Variants in PTPRD observed in about 807,000 individuals in gnomAD.
PTPRD encodes protein tyrosine phosphatase receptor type D, also known as receptor-type tyrosine-protein phosphatase delta.
A neutral mutation model predicts 214.5 loss-of-function variants in PTPRD; 34 were observed. The ratio of observed to expected loss-of-function variants is 0.16; its 90% CI spans 0.12 to 0.21. The LOEUF is 0.21. Ranked by LOEUF, PTPRD falls within the 10% of genes least tolerant of loss-of-function variation. The probability of loss-of-function intolerance (pLI) is 1.00; values close to 1 mark genes in which losing one functional copy is unlikely to be tolerated. For missense variants in PTPRD, 2,545 were observed against 2,398.7 expected (o/e 1.06, Z -1.27); for synonymous variants, 1,128 against 845.7 (o/e 1.33, Z -5.79).
chr9:8,481,697 C>G (rs2096889826), intron 30 of PTPRD, among the ~76,000 whole-genome samples: 3 of 152,068 alleles, frequency 2.0e-5, no homozygotes, highest in Admixed American at 2.0e-4. Flanking sequence ...CACATTTTCC[C>G]CTCATTGCTT....
intron 9 of PTPRD, among the ~76,000 whole-genome samples, chr9:9,192,603 T>C (rs2099935915): frequency 6.6e-6 from 1 of 152,080 alleles, no homozygotes; most frequent in Non-Finnish European, 1.5e-5. Context: ...TTGATTAAGA[T>C]GATGAGACAA....
At chr9:9,491,769 T>C (rs973958933) in intron 8 of PTPRD, among the ~76,000 whole-genome samples, 6 of 151,976 alleles carry the variant, frequency 3.9e-5, no homozygotes, top group Admixed American at 2.6e-4. Context: ...ACTCATGTGA[T>C]GCAGAAAAAT....
intron 2 of PTPRD, among the ~76,000 whole-genome samples, chr9:10,342,662 T>C (rs2096965198): frequency 6.6e-6 from 1 of 152,134 alleles, no homozygotes. Flanking sequence ...TTCCGCACCT[T>C]CTATTCCATG....
chr9:9,603,075 C>T (rs878966491), intron 7 of PTPRD, among the ~76,000 whole-genome samples: 5 of 151,840 alleles, frequency 3.3e-5, no homozygotes, highest in Admixed American at 6.6e-5. Context: ...AATCTGTGAA[C>T]GTAATGATTA....
At chr9:8,569,789 A>G (rs2090550435) in intron 14 of PTPRD, among the ~76,000 whole-genome samples, 1 of 129,270 alleles carries the variant, frequency 7.7e-6, no homozygotes, top group Admixed American at 7.9e-5. Flanking sequence ...AGGAAGATAT[A>G]AATTGGAAAA....
chr9:9,331,375 C>T (rs547903892), intron 9 of PTPRD, among the ~76,000 whole-genome samples: 73 of 152,042 alleles, frequency 4.8e-4, no homozygotes, highest in Admixed American at 1.1e-3. Context: ...CATTCTTTCT[C>T]GGGATAATTC....
chr9:8,622,881 G>A (rs1050319965), intron 14 of PTPRD, among the ~76,000 whole-genome samples: 16 of 151,868 alleles, frequency 1.1e-4, no homozygotes, highest in African/African-American at 3.6e-4. Flanking sequence ...GCTTATGCCT[G>A]TAATCCCATG....
rs2093363158 is a variant in PTPRD at position 9,950,671 on chromosome 9, G to A, written c.-471-12061C>T. 5.9e-5 allele frequency among the ~76,000 whole-genome samples: 5 copies of A among 84,332 alleles called. 2 individuals carry two copies. In the South Asian group the frequency reaches 2.3e-3, roughly 40 times the overall value. 55.3% of individuals were successfully genotyped at this position (84,332 alleles called of 152,430 possible). On this transcript the variant is annotated intron_variant, in intron 4 of 45. Coordinates refer to ENST00000381196, the MANE Select transcript of PTPRD (RefSeq NM_002839.4). ...CCCCAGGGGGCGGAGCCTGCAGTGA[G>A]CCGAGATCGCGCCACTGCACTCCAG...
intron 9 of PTPRD, among the ~76,000 whole-genome samples, chr9:9,328,981 G>A (rs2041242735): frequency 6.6e-6 from 1 of 151,922 alleles, no homozygotes; most frequent in Non-Finnish European, 1.5e-5. Context: ...GAAACTTGAA[G>A]ATTGCGTAAA....
chr9:10,302,511 G>A (rs933433597), intron 3 of PTPRD, among the ~76,000 whole-genome samples: 1 of 152,082 alleles, frequency 6.6e-6, no homozygotes, highest in Admixed American at 6.5e-5. Flanking sequence ...TGCTGTATTC[G>A]GGAGACCCAT....
At chr9:9,713,304 G>T (rs79262455) in intron 7 of PTPRD, among the ~76,000 whole-genome samples, 3,004 of 152,200 alleles carry the variant, frequency 0.02, 90 homozygotes, top group African/African-American at 0.067. Flanking sequence ...AAGAAAATTA[G>T]AATGGGGAAA....
At chr9:8,582,354 G>T (rs549783730) in intron 14 of PTPRD, among the ~76,000 whole-genome samples, 11 of 152,160 alleles carry the variant, frequency 7.2e-5, no homozygotes, top group African/African-American at 2.6e-4. Flanking sequence ...AATATTTTTT[G>T]AACATGACAC....
At chr9:8,446,766 AGCACCTGTCAT>A (rs1486054693) in intron 34 of PTPRD, among the ~76,000 whole-genome samples, 1 of 152,252 alleles carries the variant, frequency 6.6e-6, no homozygotes, top group Admixed American at 6.5e-5. Flanking sequence ...TTAGCGTCAT[AGCACCTGTCAT>A]GCAACACCTA....
intron 2 of PTPRD, among the ~76,000 whole-genome samples, chr9:10,571,979 G>C (rs911014239): frequency 6.6e-6 from 1 of 152,134 alleles, no homozygotes; most frequent in Non-Finnish European, 1.5e-5. Flanking sequence ...CTGCTGCCCA[G>C]GGGTTGGGGA....
At position 9,737,451 on chromosome 9, in the gene PTPRD, T is replaced by C. The variant is rs117141342; in HGVS notation, c.-325-2880A>G. Among the ~76,000 whole-genome samples, 6 of 152,292 alleles carry C rather than the reference T, an allele frequency of 3.9e-5. No individual in the cohort carries two copies. In the East Asian group the frequency reaches 1.2e-3, roughly 29 times the overall value. On this transcript the variant is annotated intron_variant, in intron 6 of 45. Transcript: ENST00000381196. ...AAGATAACTACTAATTCCAGAATGTTTCTAACACCTTAAAAGAAAACCCTA... is the reference window on the plus strand; with the variant it reads ...AAGATAACTACTAATTCCAGAATGTCTCTAACACCTTAAAAGAAAACCCTA...
intron 14 of PTPRD, among the ~76,000 whole-genome samples, chr9:8,573,042 A>C (rs951843869): frequency 1.3e-5 from 2 of 151,978 alleles, no homozygotes; most frequent in African/African-American, 4.8e-5. Flanking sequence ...ATTTTTGTTC[A>C]TGATCTGTTG....
chr9:10,362,491 A>G (rs2097414152), intron 2 of PTPRD, among the ~76,000 whole-genome samples: 1 of 152,120 alleles, frequency 6.6e-6, no homozygotes, highest in African/African-American at 2.4e-5. Flanking sequence ...CTAAAAATTC[A>G]ATGTCTAGAG....
In PTPRD at chr9:10,612,774, A is replaced by G; in HGVS notation, c.-794T>C. 1 of 152,370 alleles carries G rather than the reference A, an allele frequency of 6.6e-6. No homozygotes were observed. Among genetic ancestry groups the G allele is most frequent in the Non-Finnish European group, 1.5e-5 (1 of 68,384 alleles). 9.4% of individuals were successfully genotyped at this position (152,370 alleles called of 1,614,324 possible). A position where few individuals can be genotyped will look rare whatever the true frequency, so the allele number is the denominator to read the frequency against. Reference sequence around the variant, plus strand: ...GAGGAGGAGAAAGAGCAGCGGGAGGACTCGGGCTGGGAGGGGAGCGCAGGG... The same window carrying G: ...GAGGAGGAGAAAGAGCAGCGGGAGGGCTCGGGCTGGGAGGGGAGCGCAGGG... On this transcript the variant is annotated 5_prime_UTR_variant, in exon 1 of 46. Transcript: ENST00000381196.
chr9:9,884,598 G>A (rs1481760574), intron 5 of PTPRD, among the ~76,000 whole-genome samples: 1 of 152,142 alleles, frequency 6.6e-6, no homozygotes, highest in Non-Finnish European at 1.5e-5. Context: ...GATGAGCCTA[G>A]AGGAGTGATA....
Sources: allele counts gnomAD v4.1 joint callset (sites outside exome capture counted in the v4.1 genomes callset), GRCh38; gene constraint gnomAD v4.1.1; transcripts MANE v1.5; gene names NCBI Gene and HGNC (gene_info 2026-07-23, HGNC 2026-07-21).